Variants in ESRRG observed in about 807,000 individuals in gnomAD.
ESRRG encodes estrogen related receptor gamma.
In ESRRG, 13 loss-of-function variants were observed where a neutral mutation model predicts 44.0. That is an observed-to-expected ratio of 0.30 (90% CI 0.19 to 0.47). The LOEUF is 0.47. Among genes scored for constraint, ESRRG ranks in the 20% least tolerant of loss-of-function variants. ESRRG has a pLI of 1.00. For synonymous variants in ESRRG, 215 were observed against 214.6 expected (o/e 1.00, Z -0.02); for missense variants, 395 against 580.6 (o/e 0.68, Z 3.29).
intron 1 of ESRRG, among the ~76,000 whole-genome samples, chr1:216,708,361 C>T (rs150175205): frequency 0.011 from 1,603 of 152,204 alleles, 34 homozygotes; most frequent in African/African-American, 0.037. Flanking sequence ...TAATTTTTTA[C>T]ATTTCAATAG....
chr1:216,961,236 C>A (rs544867573), intron 1 of ESRRG, among the ~76,000 whole-genome samples: 1 of 152,278 alleles, frequency 6.6e-6, no homozygotes, highest in South Asian at 2.1e-4. Context: ...CTACCTTATA[C>A]CACACAAAAC....
intron 1 of ESRRG, among the ~76,000 whole-genome samples, chr1:217,026,912 C>CAGAGAGAGAGAGAGAGAGAGAGAG (rs71163786): frequency 3.2e-5 from 3 of 93,414 alleles, no homozygotes; most frequent in African/African-American, 8.1e-5. Context: ...CACACACACA[C>CAGAGAGAGAGAGAGAGAGAGAGAG]AGAGAGAGAG....
At chr1:216,820,001 G>A (rs2095251293) in intron 2 of ESRRG, among the ~76,000 whole-genome samples, 1 of 152,312 alleles carries the variant, frequency 6.6e-6, no homozygotes, top group South Asian at 2.1e-4. Context: ...TATGGCAGAG[G>A]AGAGAAGAAG....
intron 3 of ESRRG, among the ~76,000 whole-genome samples, chr1:216,592,717 C>G (rs938692907): frequency 1.3e-5 from 2 of 152,118 alleles, no homozygotes; most frequent in African/African-American, 2.4e-5. Flanking sequence ...CCTGGCTGTT[C>G]TCAAACTCCT....
At chr1:216,523,846 CAAAA>C (rs145462321) in intron 5 of ESRRG, among the ~76,000 whole-genome samples, 1 of 127,420 alleles carries the variant, frequency 7.8e-6, no homozygotes. Context: ...TTCTGTTCCA[CAAAA>C]AAAAAAAAAA....
At chr1:217,136,180 CAG>C (rs930752821) in intron 1 of ESRRG, among the ~76,000 whole-genome samples, 1 of 152,096 alleles carries the variant, frequency 6.6e-6, no homozygotes, top group Admixed American at 6.5e-5. Flanking sequence ...CTGTTGAAGA[CAG>C]GGGGCGGAGG....
chr1:216,855,100 G>T (rs2095907282), intron 2 of ESRRG: 1 of 152,096 alleles, frequency 6.6e-6, no homozygotes, highest in Non-Finnish European at 1.5e-5. Context: ...CATTTTGGAA[G>T]AATTTTTCCC....
chr1:216,912,186 G>A (rs201700313), intron 2 of ESRRG, among the ~76,000 whole-genome samples: 3,180 of 12,400 alleles, frequency 0.26, 327 homozygotes, highest in African/African-American at 0.36. Flanking sequence ...AAAAGAAAAG[G>A]AGAGGAGAGG....
At chr1:216,792,726 C>T (rs2094356555) in intron 2 of ESRRG, among the ~76,000 whole-genome samples, 1 of 152,178 alleles carries the variant, frequency 6.6e-6, no homozygotes, top group Non-Finnish European at 1.5e-5. Flanking sequence ...AATGCACTCA[C>T]AAAACTTTTT....
chr1:216,634,770 G>A (rs929522490), intron 3 of ESRRG, among the ~76,000 whole-genome samples: 5 of 152,152 alleles, frequency 3.3e-5, no homozygotes, highest in Non-Finnish European at 7.3e-5. Context: ...AACAAAATGG[G>A]AGGATGCGTG....
At chr1:216,529,479 A>T (rs897360103) in intron 5 of ESRRG, among the ~76,000 whole-genome samples, 1 of 152,180 alleles carries the variant, frequency 6.6e-6, no homozygotes, top group Non-Finnish European at 1.5e-5. Flanking sequence ...CAAAGTTTTA[A>T]TAAACTAACC....
At chr1:216,819,605 G>A (rs2095243129) in intron 2 of ESRRG, among the ~76,000 whole-genome samples, 1 of 151,192 alleles carries the variant, frequency 6.6e-6, no homozygotes, top group South Asian at 2.1e-4. Flanking sequence ...ACTGATCACA[G>A]TTCTTTGTAC....
chr1:216,678,962 A>G (rs1304557606), intron 1 of ESRRG, among the ~76,000 whole-genome samples: 1 of 152,228 alleles, frequency 6.6e-6, no homozygotes, highest in Non-Finnish European at 1.5e-5. Flanking sequence ...GAAGAAAAAT[A>G]TGGAACTTTT....
At chr1:216,562,544 A>G (rs2058968242) in intron 5 of ESRRG, among the ~76,000 whole-genome samples, 1 of 151,980 alleles carries the variant, frequency 6.6e-6, no homozygotes, top group South Asian at 2.1e-4. Context: ...GGCTGTTTGA[A>G]GACAGTTTTG....
intron 2 of ESRRG, among the ~76,000 whole-genome samples, chr1:216,874,024 G>A (rs953471755): frequency 1.6e-5 from 2 of 127,776 alleles, no homozygotes; most frequent in African/African-American, 2.9e-5. Context: ...GGGAGGGAGG[G>A]AGTGGGGAGG....
chr1:216,629,753 A>C (rs2063798509), intron 3 of ESRRG, among the ~76,000 whole-genome samples: 1 of 152,198 alleles, frequency 6.6e-6, no homozygotes, highest in Non-Finnish European at 1.5e-5. Flanking sequence ...CCCTTGCTTT[A>C]TGTGAAGGTT....
chr1:216,902,670 C>T (rs1022176713), intron 2 of ESRRG, among the ~76,000 whole-genome samples: 8 of 152,186 alleles, frequency 5.3e-5, no homozygotes, highest in Admixed American at 1.3e-4. Context: ...AGTCCCATCT[C>T]TTCTGAGACT....
intron 2 of ESRRG, among the ~76,000 whole-genome samples, chr1:216,893,663 T>G (rs1014272730): frequency 2.0e-5 from 3 of 152,072 alleles, no homozygotes; most frequent in African/African-American, 7.2e-5. Flanking sequence ...GTATAAGATG[T>G]AAACACACAG....
chr1:217,119,833 G>A (rs539311771), intron 1 of ESRRG, among the ~76,000 whole-genome samples: 1 of 152,296 alleles, frequency 6.6e-6, no homozygotes, highest in South Asian at 2.1e-4. Context: ...GCCCCAACTT[G>A]CCTTTCCAGT....
Sources: allele counts gnomAD v4.1 joint callset (sites outside exome capture counted in the v4.1 genomes callset), GRCh38; gene constraint gnomAD v4.1.1; transcripts MANE v1.5; gene names NCBI Gene and HGNC (gene_info 2026-07-23, HGNC 2026-07-21).